Variants in SCIN observed in about 807,000 individuals in gnomAD.
SCIN encodes scinderin, also known as adseverin.
A neutral mutation model predicts 91.8 loss-of-function variants in SCIN; 91 were observed. The ratio of observed to expected loss-of-function variants is 0.99; its 90% CI spans 0.84 to 1.18. SCIN has a LOEUF of 1.18. Among genes scored for constraint, SCIN ranks in the 50% most tolerant of loss-of-function variants. SCIN has a pLI of 0.00. For missense variants in SCIN, 1,087 were observed against 863.9 expected, an observed-to-expected ratio of 1.26 and a Z score of -3.24; for synonymous variants, 367 against 312.6, an observed-to-expected ratio of 1.17 and a Z score of -1.84.
rs183377916 is a variant in SCIN, at chr7:12,655,798, G to C, written c.*3083G>C. 3 of 152,264 alleles carry C rather than the reference G, an allele frequency of 2.0e-5. No individual in the cohort carries two copies. In the East Asian group the frequency reaches 5.8e-4, roughly 29 times the overall value. 9.4% of individuals were successfully genotyped at this position (152,264 alleles called of 1,614,324 possible). A position where few individuals can be genotyped will look rare whatever the true frequency, so the allele number is the denominator to read the frequency against. On this transcript the variant is annotated 3_prime_UTR_variant, in exon 16 of 16. Transcript: ENST00000297029. Reference sequence around the variant, plus strand: ...GGTACATGTGGAGAAAGAGATACAGGTGTTCCCTAGCAAGTTAATATGCTT... The same window carrying C: ...GGTACATGTGGAGAAAGAGATACAGCTGTTCCCTAGCAAGTTAATATGCTT...
chr7:12,605,589 A>G (rs1783064265), intron 4 of SCIN, among the ~76,000 whole-genome samples: 2 of 152,198 alleles, frequency 1.3e-5, no homozygotes, highest in South Asian at 2.1e-4. Context: ...ATAAATTTAT[A>G]CAATATTTTA....
At position 12,652,659 on chromosome 7, in the gene SCIN, C is replaced by G; in HGVS notation, c.2092C>G (p.His698Asp). The change falls in exon 16 of 16, where the codon CAT (histidine) becomes GAT (aspartate). Residue 698 changes from histidine to aspartate, a missense_variant. His to Asp is a moderately conservative substitution (Grantham distance 81). Coordinates refer to ENST00000297029, the MANE Select transcript of SCIN (RefSeq NM_001112706.3). ...RTPIVIIKQG[H>D]EPPTFTGWFL... ...ACCAATTGTCATCATAAAACAGGGC[C>G]ATGAGCCACCCACATTCACAGGCTG... 1 of 1,610,542 alleles carries G rather than the reference C, an allele frequency of 6.2e-7. No homozygotes were observed. Among genetic ancestry groups the G allele is most frequent in the African/African-American group, 1.3e-5 (1 of 74,636 alleles).
intron 4 of SCIN, among the ~76,000 whole-genome samples, chr7:12,618,960 G>A (rs1032922001): frequency 6.6e-6 from 1 of 152,062 alleles, no homozygotes; most frequent in Non-Finnish European, 1.5e-5. Flanking sequence ...TAGAAGGCCT[G>A]GGGTTTACAT....
intron 3 of SCIN, among the ~76,000 whole-genome samples, chr7:12,593,166 T>C (rs1782762590): frequency 6.6e-6 from 1 of 152,244 alleles, no homozygotes; most frequent in South Asian, 2.1e-4. Context: ...CCAGTGGCCT[T>C]CTTTGCCGCA....
intron 4 of SCIN, 110 bp downstream of exon 4, chr7:12,604,773 T>A: frequency 4.0e-6 from 3 of 745,212 alleles, no homozygotes; most frequent in Non-Finnish European, 6.3e-6. Context: ...GGGAAAGAGA[T>A]TCAACACATG....
At chr7:12,615,559 C>T (rs985204377) in intron 4 of SCIN, among the ~76,000 whole-genome samples, 2 of 152,088 alleles carry the variant, frequency 1.3e-5, no homozygotes, top group Non-Finnish European at 2.9e-5. Flanking sequence ...TCATTAATTA[C>T]CCAGTATCAG....
intron 3 of SCIN, chr7:12,588,885 T>C (rs915204003): frequency 7.0e-6 from 1 of 142,566 alleles, no homozygotes; most frequent in African/African-American, 2.7e-5. Context: ...TCCAGCCTTT[T>C]AATAGGTAAT....
At chr7:12,625,360 A>G (rs1783494119) in intron 6 of SCIN, among the ~76,000 whole-genome samples, 1 of 151,608 alleles carries the variant, frequency 6.6e-6, no homozygotes, top group South Asian at 2.1e-4. Context: ...ATATAAAAAG[A>G]ATTGTTTTAC....
At position 12,658,368 on chromosome 7, in the gene SCIN, G is replaced by C. The variant is rs1381911920; in HGVS notation, c.*5653G>C. 7 of 152,198 alleles carry C rather than the reference G, an allele frequency of 4.6e-5. No individual in the cohort carries two copies. Among genetic ancestry groups the C allele is most frequent in the African/African-American group, 1.7e-4 (7 of 41,446 alleles). 9.4% of individuals were successfully genotyped at this position (152,198 alleles called of 1,614,324 possible). A position where few individuals can be genotyped will look rare whatever the true frequency, so the allele number is the denominator to read the frequency against. On this transcript the variant is annotated 3_prime_UTR_variant, in exon 16 of 16. Coordinates refer to ENST00000297029, the MANE Select transcript of SCIN (RefSeq NM_001112706.3). The stretch of plus-strand genomic sequence containing the variant: ...ACTCCTTAGAAAGGTCAAAGGAAGA[G>C]GTGAATGTGGGCAGGGTTTCACTGG...
chr7:12,607,161 G>A (rs1263257729), intron 4 of SCIN, among the ~76,000 whole-genome samples: 1 of 152,168 alleles, frequency 6.6e-6, no homozygotes, highest in Non-Finnish European at 1.5e-5. Context: ...TTGGCCCAAA[G>A]CAAGTCTCCT....
At chr7:12,640,647 C>G in intron 11 of SCIN, 130 bp downstream of exon 11, 1 of 832,088 alleles carries the variant, frequency 1.2e-6, no homozygotes, top group Non-Finnish European at 1.7e-6. Context: ...ATCCACTGTT[C>G]AAAATTTTAA....
intron 8 of SCIN, among the ~76,000 whole-genome samples, 187 bp downstream of exon 8, chr7:12,626,986 A>G (rs977035486): frequency 6.6e-6 from 1 of 152,052 alleles, no homozygotes; most frequent in African/African-American, 2.4e-5. Context: ...GCTACTTGGT[A>G]GGCTGAGGCA....
At chr7:12,625,227 A>T (rs765541893) in intron 6 of SCIN, 85 bp downstream of exon 6, 383 of 1,219,882 alleles carry the variant, frequency 3.1e-4, no homozygotes, top group Non-Finnish European at 4.0e-4. Flanking sequence ...TTTTGATTTT[A>T]AAAAAAAGCC....
At chr7:12,582,759 C>T (rs977609825) in intron 3 of SCIN, among the ~76,000 whole-genome samples, 1 of 151,996 alleles carries the variant, frequency 6.6e-6, no homozygotes, top group African/African-American at 2.4e-5. Flanking sequence ...GCCACCACCC[C>T]CTACACTATA....
rs55811230 is a variant in SCIN, at chr7:12,632,083, C to CATTTTATTTTATTTTATTTTATTTT, written c.1319+2903_1319+2927dup. Among the ~76,000 whole-genome samples the CATTTTATTTTATTTTATTTTATTTT allele has an allele frequency of 2.4e-3, 287 of 120,754 alleles. 6 individuals are homozygous for CATTTTATTTTATTTTATTTTATTTT. Among genetic ancestry groups the CATTTTATTTTATTTTATTTTATTTT allele is most frequent in the East Asian group, 4.5e-3 (18 of 4,002 alleles). The allele number at this position is 120,754 out of a possible 152,430, so 79.2% of individuals were successfully genotyped here. A position where few individuals can be genotyped will look rare whatever the true frequency, so the allele number is the denominator to read the frequency against. ...TATGGGGTGTTATATGATTGGTTTTCATTTTATTTTATTTTATTTTATTTT... is the reference window on the plus strand; with the variant it reads ...TATGGGGTGTTATATGATTGGTTTTCATTTTATTTTATTTTATTTTATTTTATTTTATTTTATTTTATTTTATTTT... On this transcript the variant is annotated intron_variant, in intron 9 of 15. Transcript: ENST00000297029.
chr7:12,659,577 G>A lies in SCIN; in HGVS notation c.*6862G>A, dbSNP rs1440856400. 6.6e-6 allele frequency: 1 copy of A among 152,188 alleles called. No individual in the cohort carries two copies. The highest frequency in any genetic ancestry group is 1.5e-5 in the Non-Finnish European group (1 of 68,054). 9.4% of individuals were successfully genotyped at this position (152,188 alleles called of 1,614,324 possible). On this transcript the variant is annotated 3_prime_UTR_variant, in exon 16 of 16. Coordinates refer to ENST00000297029, the MANE Select transcript of SCIN (RefSeq NM_001112706.3). ...GATAAGTATATCCATGGTCATCCAG[G>A]GGAAGAAAATGGCGTACATAACTTA...
chr7:12,652,595 G>A lies in SCIN; in HGVS notation c.2028G>A (p.Met676Ile). 1.2e-6 allele frequency: 2 copies of A among 1,612,036 alleles called. No individual in the cohort carries two copies. Among genetic ancestry groups the A allele is most frequent in the Non-Finnish European group, 1.7e-6 (2 of 1,179,110 alleles). The change falls in exon 16 of 16, where the codon ATG (methionine) becomes ATA (isoleucine). Residue 676 changes from methionine to isoleucine, a missense_variant. Physicochemically the swap from Met to Ile is conservative, Grantham distance 10 (BLOSUM62 1). Transcript: ENST00000297029. Reference sequence around the variant, plus strand: ...CTTTACAACTTTTTTTAGCCAAAATGTACCTTGAGACAGACCCTTCTGGAA... The same window carrying A: ...CTTTACAACTTTTTTTAGCCAAAATATACCTTGAGACAGACCCTTCTGGAA... ...EKKESLKSAK[M>I]YLETDPSGRD...
chr7:12,654,263 T>A lies in SCIN; in HGVS notation c.*1548T>A, dbSNP rs753278805. On this transcript the variant is annotated 3_prime_UTR_variant, in exon 16 of 16. Transcript: ENST00000297029. ...CTGCTGTCCCTTAGTATTGAATATC[T>A]CTATTTTCTTTTAATCATAGAATTC... The A allele has an allele frequency of 1.3e-5, 2 of 152,194 alleles. No homozygotes were observed. The highest frequency in any genetic ancestry group is 2.4e-5 in the African/African-American group (1 of 41,460). The allele number at this position is 152,194 out of a possible 1,614,324, so 9.4% of individuals were successfully genotyped here.
At chr7:12,595,756 T>A (rs1583287497) in intron 3 of SCIN, 2 of 152,326 alleles carry the variant, frequency 1.3e-5, no homozygotes, top group East Asian at 1.9e-4. Flanking sequence ...GAATTTGGTG[T>A]TTGGACTTCT....
Sources: allele counts gnomAD v4.1 joint callset (sites outside exome capture counted in the v4.1 genomes callset), GRCh38; gene constraint gnomAD v4.1.1; transcripts MANE v1.5; gene names NCBI Gene and HGNC (gene_info 2026-07-23, HGNC 2026-07-21).